Variants in SART1 observed in about 807,000 individuals in gnomAD.
SART1 encodes spliceosome associated factor 1, recruiter of U4/U6.U5 tri-snRNP, also known as U4/U6.U5 tri-snRNP-associated protein 1.
A neutral mutation model predicts 105.0 loss-of-function variants in SART1; 28 were observed. The observed-to-expected ratio is 0.27, with a 90% CI of 0.20 to 0.37. SART1 has a LOEUF of 0.37. Among genes scored for constraint, SART1 ranks in the 10% least tolerant of loss-of-function variants. The probability of loss-of-function intolerance (pLI) is 1.00; values close to 1 mark genes in which losing one functional copy is unlikely to be tolerated. For synonymous variants in SART1, 472 were observed against 462.9 expected (o/e 1.02, Z -0.25); for missense variants, 894 against 1,106.5 (o/e 0.81, Z 2.72).
rs746809193 is a variant in SART1 at position 65,964,056 on chromosome 11, T to C, written c.314-18T>C. On this transcript the variant is annotated intron_variant, in intron 1 of 19. Coordinates refer to ENST00000312397, the MANE Select transcript of SART1 (RefSeq NM_005146.5). ...GGCCCTGTGTTCAGCTCCTGAGCCA[T>C]GCTTCTTCTTGTTCCAGCTGCCAGC... is the stretch of plus-strand genomic sequence containing the variant. 1.9e-5 allele frequency: 31 copies of C among 1,609,290 alleles called. No homozygotes were observed. Among genetic ancestry groups the C allele is most frequent in the Non-Finnish European group, 2.5e-5 (29 of 1,179,784 alleles).
chr11:65,961,768 T>G lies in SART1; in HGVS notation c.-13T>G. Reference sequence around the variant, plus strand: ...GGCTCGGCGGCAGCCGGGCTCGGAGTGGACGTGCCACTATGGGGTCGTCCA... The same window carrying G: ...GGCTCGGCGGCAGCCGGGCTCGGAGGGGACGTGCCACTATGGGGTCGTCCA... On this transcript the variant is annotated 5_prime_UTR_variant, in exon 1 of 20. Transcript: ENST00000312397. 2 of 1,485,760 alleles carry G rather than the reference T, an allele frequency of 1.3e-6. No individual in the cohort carries two copies. Among genetic ancestry groups the G allele is most frequent in the Non-Finnish European group, 1.8e-6 (2 of 1,124,232 alleles). The allele number at this position is 1,485,760 out of a possible 1,614,324, so 92.0% of individuals were successfully genotyped here.
chr11:65,969,549 A>G (rs998769077), intron 12 of SART1, among the ~76,000 whole-genome samples: 3 of 152,160 alleles, frequency 2.0e-5, no homozygotes, highest in African/African-American at 7.2e-5. Context: ...TCCTGGGCTC[A>G]AGGGATCCTC....
intron 15 of SART1, 72 bp downstream of exon 15, chr11:65,977,173 G>C: frequency 1.8e-6 from 2 of 1,119,076 alleles, no homozygotes; most frequent in Non-Finnish European, 2.7e-6. Context: ...GGCCCCCTCC[G>C]GTCCCCTCTG....
In SART1 at chr11:65,964,218, G is replaced by A. The variant is rs760764642; in HGVS notation, c.371+87G>A. The A allele has an allele frequency of 4.4e-6, 5 of 1,146,680 alleles. No individual in the cohort carries two copies. The African/African-American group carries it at 4.6e-5, about 10-fold the overall frequency. 71.0% of individuals were successfully genotyped at this position (1,146,680 alleles called of 1,614,324 possible). ...ACGGGGGAGGCTTTCTCACATGAAAGTGTGCTAATCAGAGTTGGAAAGATT... is the reference window on the plus strand; with the variant it reads ...ACGGGGGAGGCTTTCTCACATGAAAATGTGCTAATCAGAGTTGGAAAGATT... On this transcript the variant is annotated intron_variant, in intron 2 of 19. Transcript: ENST00000312397.
Position 65,979,331 on chromosome 11 carries a change from G to T in SART1, c.*301G>T, listed in dbSNP as rs72928851. ...GGCGGTTTTAGAAACTCATCACCCT[G>T]CTCTCTCCTGGCCTCGGGGGCTGCA... On this transcript the variant is annotated 3_prime_UTR_variant, in exon 20 of 20. Transcript: ENST00000312397. 0.02 allele frequency: 10,469 copies of T among 535,724 alleles called. 113 individuals carry two copies. The highest frequency in any genetic ancestry group is 0.024 in the Non-Finnish European group (7,246 of 298,330). The allele number at this position is 535,724 out of a possible 1,614,324, so 33.2% of individuals were successfully genotyped here.
chr11:65,967,698 G>A lies in SART1; in HGVS notation c.1449G>A (p.Pro483=), dbSNP rs762417958. Residue 483 remains proline (P), a synonymous_variant, in exon 12 of 20, where the codon CCG becomes CCA. Transcript: ENST00000312397. ...ISDEEEGGAP[P]PGSPQVLEED... ...CCCCAGAGGAAGGTGGAGCTCCACC[G>A]CCGGGGTCCCCGCAGGTGCTGGAGG... 8.3e-6 allele frequency: 13 copies of A among 1,565,188 alleles called. No homozygotes were observed. Among genetic ancestry groups the A allele is most frequent in the East Asian group, 2.3e-5 (1 of 42,798 alleles).
intron 12 of SART1, among the ~76,000 whole-genome samples, chr11:65,972,337 G>A (rs1422252605): frequency 1.3e-5 from 2 of 152,110 alleles, no homozygotes; most frequent in Non-Finnish European, 2.9e-5. Flanking sequence ...TCAGTGCAGC[G>A]AGTGGGCGTG....
chr11:65,970,525 GTCA>G (rs1855353094), intron 12 of SART1, among the ~76,000 whole-genome samples: 1 of 152,036 alleles, frequency 6.6e-6, no homozygotes, highest in African/African-American at 2.4e-5. Context: ...GCCAGCTCGT[GTCA>G]TCATTTATTT....
rs761754949 is a variant in SART1 at position 65,976,805 on chromosome 11, G to C, written c.1857+39G>C. 3 of 1,495,570 alleles carry C rather than the reference G, an allele frequency of 2.0e-6. No homozygotes were observed. Among genetic ancestry groups the C allele is most frequent in the Non-Finnish European group, 9.1e-7 (1 of 1,095,540 alleles). 92.6% of individuals were successfully genotyped at this position (1,495,570 alleles called of 1,614,324 possible). A position where few individuals can be genotyped will look rare whatever the true frequency, so the allele number is the denominator to read the frequency against. On this transcript the variant is annotated intron_variant, in intron 14 of 19. Coordinates refer to ENST00000312397, the MANE Select transcript of SART1 (RefSeq NM_005146.5). The surrounding 1 kb of genome is among the most constrained non-coding windows in gnomAD (Gnocchi z 5.1). ...CGCTGGGGGGTGGGCGTTTGGGGGT[G>C]CTCAAGCTGGAGATGAGCACCGGGC... is the stretch of plus-strand genomic sequence containing the variant.
At chr11:65,963,186 G>A (rs1447024423) in intron 1 of SART1, among the ~76,000 whole-genome samples, 1 of 152,016 alleles carries the variant, frequency 6.6e-6, no homozygotes. Flanking sequence ...AGAGAAAGAT[G>A]TTACCAAAAA....
chr11:65,970,154 TC>T lies in SART1; in HGVS notation c.1572+2334del, dbSNP rs113017251. ...TAAACATTGTTACAGTTCTTTTCTT[TC>T]TCTTCTTTTTTTCCTGACCACTGGG... On this transcript the variant is annotated intron_variant, in intron 12 of 19. Transcript: ENST00000312397. 5.1e-4 allele frequency among the ~76,000 whole-genome samples: 77 copies of T among 152,212 alleles called. 2 individuals are homozygous for T. Among genetic ancestry groups the T allele is most frequent in the African/African-American group, 1.7e-3 (71 of 41,510 alleles).
intron 12 of SART1, among the ~76,000 whole-genome samples, chr11:65,975,593 A>T (rs1052824209): frequency 3.3e-5 from 5 of 151,122 alleles, no homozygotes; most frequent in Non-Finnish European, 5.9e-5. Context: ...TTTTGTAGAG[A>T]TGGGATTTGG....
At chr11:65,970,268 C>T (rs1048681930) in intron 12 of SART1, among the ~76,000 whole-genome samples, 3 of 152,220 alleles carry the variant, frequency 2.0e-5, no homozygotes, top group Non-Finnish European at 4.4e-5. Flanking sequence ...CCACACTGCC[C>T]TAACAAGCCC....
intron 1 of SART1, among the ~76,000 whole-genome samples, chr11:65,963,545 G>A (rs1224582299): frequency 1.3e-5 from 2 of 151,858 alleles, no homozygotes; most frequent in Non-Finnish European, 2.9e-5. Context: ...GCAGTGGCAC[G>A]ATCTCAGCTC....
Position 65,978,402 on chromosome 11 carries a change from C to A in SART1, c.2173-198C>A. On this transcript the variant is annotated intron_variant, in intron 17 of 19. Coordinates refer to ENST00000312397, the MANE Select transcript of SART1 (RefSeq NM_005146.5). The surrounding 1 kb of genome is among the most constrained non-coding windows in gnomAD (Gnocchi z 6.8). ...GCCCCCATGGCAGCGCATCCACTAGCCAAGCTGGTCTCCCGGCCTCTGCTG... is the reference window on the plus strand; with the variant it reads ...GCCCCCATGGCAGCGCATCCACTAGACAAGCTGGTCTCCCGGCCTCTGCTG... 3.3e-6 allele frequency: 2 copies of A among 600,852 alleles called. No individual in the cohort carries two copies. Among genetic ancestry groups the A allele is most frequent in the Non-Finnish European group, 5.9e-6 (2 of 337,430 alleles). 37.2% of individuals were successfully genotyped at this position (600,852 alleles called of 1,614,324 possible).
At chr11:65,972,904 G>T (rs888914771) in intron 12 of SART1, among the ~76,000 whole-genome samples, 4 of 152,164 alleles carry the variant, frequency 2.6e-5, no homozygotes, top group Non-Finnish European at 4.4e-5. Context: ...GGGCGCGATG[G>T]CTCACGCCTG....
chr11:65,965,824 C>G, intron 6 of SART1, 45 bp downstream of exon 6: 1 of 1,613,198 alleles, frequency 6.2e-7, no homozygotes, highest in Non-Finnish European at 8.5e-7. Context: ...GGTGGCCTTG[C>G]TACCGGAATC....
At position 65,977,915 on chromosome 11, in the gene SART1, T is replaced by C; in HGVS notation, c.2172+16T>C. 6.3e-7 allele frequency: 1 copy of C among 1,592,330 alleles called. No individual in the cohort carries two copies. Among genetic ancestry groups the C allele is most frequent in the Non-Finnish European group, 8.5e-7 (1 of 1,171,528 alleles). ...ACCCAAGGAGGTGAGCAGGGCCTTT[T>C]GCAGGCGGAGGCCCGGCCTGCCACA... On this transcript the variant is annotated intron_variant, in intron 17 of 19. Transcript: ENST00000312397.
rs1459219054 is a variant in SART1, at chr11:65,965,452, G to A, written c.660+5G>A. 6.4e-7 allele frequency: 1 copy of A among 1,553,068 alleles called. No homozygotes were observed. ...AAGGACCTGGCAGAGAAGAGGGTGA[G>A]CACCTGGGCAGCATGGGGTGGTCGC... On this transcript the variant is annotated splice_donor_5th_base_variant and intron_variant, in intron 5 of 19. Transcript: ENST00000312397.
Sources: allele counts gnomAD v4.1 joint callset (sites outside exome capture counted in the v4.1 genomes callset), GRCh38; gene constraint gnomAD v4.1.1; non-coding constraint Gnocchi (gnomAD v3.1); transcripts MANE v1.5; gene names NCBI Gene and HGNC (gene_info 2026-07-23, HGNC 2026-07-21).